TMPRSS9: variants seen among roughly 807,000 people sequenced by gnomAD.
TMPRSS9 encodes the protein transmembrane serine protease 9.
TMPRSS9 carries 113 observed loss-of-function variants against 111.4 expected under a neutral mutation model. The observed-to-expected ratio is 1.01, with a 90% CI of 0.87 to 1.19. The LOEUF is 1.19. Ranked by LOEUF, TMPRSS9 falls within the 50% of genes most tolerant of loss-of-function variation. The probability of loss-of-function intolerance (pLI) is 0.00; values close to 1 mark genes in which losing one functional copy is unlikely to be tolerated. For missense variants in TMPRSS9, 1,803 were observed against 1,513.1 expected, an observed-to-expected ratio of 1.19 and a Z score of -3.18; for synonymous variants, 805 against 659.1, an observed-to-expected ratio of 1.22 and a Z score of -3.39.
chr19:2,419,406 G>T (rs1005885380), intron 13 of TMPRSS9, among the ~76,000 whole-genome samples: 3 of 151,604 alleles, frequency 2.0e-5, no homozygotes, highest in African/African-American at 7.3e-5. Flanking sequence ...GTTTCACTAT[G>T]TTGGCCAGGA....
At chr19:2,418,010 C>T in exon 13 of TMPRSS9, 1 of 1,611,514 alleles carries the variant, frequency 6.2e-7, no homozygotes, top group East Asian at 2.2e-5. Context: ...AGCCACCAAG[C>T]CCGAGCTCCT....
At chr19:2,390,071 C>G in intron 1 of TMPRSS9, 144 bp downstream of exon 2, 1 of 1,022,346 alleles carries the variant, frequency 9.8e-7, no homozygotes, top group Non-Finnish European at 1.4e-6. Context: ...CTAGGCCAGG[C>G]GGGTGGGCGG....
intron 17 of TMPRSS9, 173 bp downstream of exon 18, chr19:2,425,666 T>C (rs1228732439): frequency 1.7e-5 from 22 of 1,305,192 alleles, no homozygotes; most frequent in Admixed American, 6.6e-5. Flanking sequence ...CAGCCGTTTA[T>C]TGGGCAACCC....
intron 14 of TMPRSS9, among the ~76,000 whole-genome samples, chr19:2,423,837 G>A (rs1261805358): frequency 1.3e-5 from 2 of 152,062 alleles, no homozygotes; most frequent in East Asian, 3.9e-4. Context: ...AGGGGCCTCC[G>A]GCAGGGGAAA....
chr19:2,418,337 T>TTTCCTTCCC (rs1706368363), intron 13 of TMPRSS9, among the ~76,000 whole-genome samples, 199 bp downstream of exon 14: 1 of 30,138 alleles, frequency 3.3e-5, no homozygotes, highest in African/African-American at 3.5e-4. Flanking sequence ...CTCCCTTTCC[T>TTTCCTTCCC]TCCCTCCCTT....
rs576887536 is a variant in TMPRSS9 at position 2,401,009 on chromosome 19, T to A, written c.515-966T>A. 6.8e-5 allele frequency among the ~76,000 whole-genome samples: 10 copies of A among 147,702 alleles called. No individual in the cohort carries two copies. In the East Asian group the frequency reaches 9.9e-4, roughly 15 times the overall value. On this transcript the variant is annotated intron_variant, in intron 4 of 17. Coordinates refer to ENST00000648592, the Ensembl canonical transcript of TMPRSS9. ...AAAAAAAATGGCCGGGCGCGGTGGCTTACGCCTGTAATCCCAGCACTTTAG... is the reference window on the plus strand; with the variant it reads ...AAAAAAAATGGCCGGGCGCGGTGGCATACGCCTGTAATCCCAGCACTTTAG...
At chr19:2,408,362 A>G (rs911197959) in exon 8 of TMPRSS9, 4 of 1,612,788 alleles carry the variant, frequency 2.5e-6, no homozygotes, top group African/African-American at 1.3e-5. Context: ...GCAGGTTCCA[A>G]GACCCGACGA....
At chr19:2,423,663 C>T (rs1018658401) in intron 14 of TMPRSS9, among the ~76,000 whole-genome samples, 2 of 152,124 alleles carry the variant, frequency 1.3e-5, no homozygotes, top group Non-Finnish European at 2.9e-5. Context: ...TGAGGAAGGC[C>T]TTTGCGCTTG....
intron 1 of TMPRSS9, chr19:2,396,331 G>C: frequency 1.8e-6 from 1 of 546,638 alleles, no homozygotes. Flanking sequence ...ATAGAATTCG[G>C]CTCCAAACCA....
chr19:2,408,662 C>G, intron 8 of TMPRSS9, 32 bp downstream of exon 9: 1 of 1,588,896 alleles, frequency 6.3e-7, no homozygotes, highest in South Asian at 1.1e-5. Flanking sequence ...CAAGTGAGCT[C>G]AGGCAGGCAG....
At chr19:2,407,860 C>T (rs1271904638) in intron 7 of TMPRSS9, among the ~76,000 whole-genome samples, 2 of 151,916 alleles carry the variant, frequency 1.3e-5, no homozygotes, top group African/African-American at 4.8e-5. Context: ...TATCAGCTCA[C>T]TGCAACCTCC....
chr19:2,391,784 C>T (rs1371646095), intron 1 of TMPRSS9, among the ~76,000 whole-genome samples: 1 of 143,366 alleles, frequency 7.0e-6, no homozygotes, highest in Non-Finnish European at 1.5e-5. Context: ...GTCTCCCAGG[C>T]GCGACAGAGT....
chr19:2,417,477 A>T (rs79781171), intron 12 of TMPRSS9, among the ~76,000 whole-genome samples: 2 of 146,904 alleles, frequency 1.4e-5, no homozygotes, highest in Admixed American at 6.7e-5. Context: ...AAAAAAAAAA[A>T]AAAAAATAGA....
chr19:2,383,219 T>C (rs1474525865), intron 1 of TMPRSS9, among the ~76,000 whole-genome samples: 2 of 151,414 alleles, frequency 1.3e-5, no homozygotes, highest in Admixed American at 6.6e-5. Context: ...CCAGGCATGG[T>C]GGCAGGCACC....
At chr19:2,393,468 T>C (rs565613266) in intron 1 of TMPRSS9, among the ~76,000 whole-genome samples, 4 of 152,064 alleles carry the variant, frequency 2.6e-5, no homozygotes, top group Non-Finnish European at 1.5e-5. Context: ...AAGAACAAAC[T>C]CCGGACACAC....
chr19:2,394,852 A>C (rs1318970966), intron 1 of TMPRSS9, among the ~76,000 whole-genome samples: 2 of 151,876 alleles, frequency 1.3e-5, no homozygotes, highest in African/African-American at 4.8e-5. Context: ...TCGTGCTCTC[A>C]TGGTTTCTGT....
exon 9 of TMPRSS9, chr19:2,410,382 G>T: frequency 1.2e-6 from 2 of 1,613,904 alleles, no homozygotes; most frequent in Non-Finnish European, 1.7e-6. Flanking sequence ...ACGGGAAGGT[G>T]GACTCCTGCC....
chr19:2,391,881 A>G (rs1414908119), intron 1 of TMPRSS9, among the ~76,000 whole-genome samples: 1 of 151,858 alleles, frequency 6.6e-6, no homozygotes, highest in Non-Finnish European at 1.5e-5. Context: ...AGCTGAGATT[A>G]CAGGTGTGTG....
chr19:2,377,955 C>T (rs1038174388), intron 1 of TMPRSS9, among the ~76,000 whole-genome samples: 3 of 151,368 alleles, frequency 2.0e-5, no homozygotes, highest in African/African-American at 7.3e-5. Context: ...ACTGCAGCTT[C>T]GATCTCCTGG....
Sources: allele counts gnomAD v4.1 joint callset (sites outside exome capture counted in the v4.1 genomes callset), GRCh38; gene constraint gnomAD v4.1.1; transcripts MANE v1.5; gene names NCBI Gene and HGNC (gene_info 2026-07-23, HGNC 2026-07-21).